FAT3: variants seen among roughly 807,000 people sequenced by gnomAD.
The protein encoded by FAT3 is FAT atypical cadherin 3.
In FAT3, 95 loss-of-function variants were observed where a neutral mutation model predicts 310.2. The observed-to-expected ratio is 0.31, with a 90% confidence interval of 0.26 to 0.36. The LOEUF is 0.36. FAT3 is among the 10% of genes least tolerant of loss of function. The probability of loss-of-function intolerance (pLI) is 1.00; values close to 1 mark genes in which losing one functional copy is unlikely to be tolerated. For missense variants in FAT3, 5,408 were observed against 5,715.6 expected, an observed-to-expected ratio of 0.95 and a Z score of 1.74; for synonymous variants, 2,314 against 2,192.9, an observed-to-expected ratio of 1.06 and a Z score of -1.54.
intron 2 of FAT3, among the ~76,000 whole-genome samples, chr11:92,379,484 T>C (rs931717330): frequency 5.9e-5 from 9 of 152,126 alleles, no homozygotes; most frequent in Non-Finnish European, 1.2e-4. Flanking sequence ...TACCAGGCAG[T>C]TCTAAGGTAA....
At chr11:92,433,640 G>T (rs759106144) in intron 2 of FAT3, among the ~76,000 whole-genome samples, 8 of 152,104 alleles carry the variant, frequency 5.3e-5, no homozygotes, top group Non-Finnish European at 8.8e-5. Flanking sequence ...TTATGCATTG[G>T]TCTCACCGGG....
chr11:92,800,757 A>G lies in FAT3; in HGVS notation c.7744A>G (p.Thr2582Ala). Residue 2582 changes from threonine (T) to alanine (A), a missense_variant, in exon 10 of 28, where the codon ACT (threonine) becomes GCT (alanine). Thr to Ala is a moderately conservative substitution (Grantham distance 58). Around this residue, in one of 5 missense-constraint regions of FAT3, gnomAD observed 4,588 missense variants for 4,809.8 expected, o/e 0.95. Transcript: ENST00000525166. ...GGCCCTTGATGGTGGAGGGAGAACA[A>G]CTTTCTGCACTGTGAGAGTGATTGT... is the stretch of plus-strand genomic sequence containing the variant. ...VRALDGGGRT[T>A]FCTVRVIVVD... 1 of 1,613,950 alleles carries G rather than the reference A, an allele frequency of 6.2e-7. No homozygotes were observed. Among genetic ancestry groups the G allele is most frequent in the Non-Finnish European group, 8.5e-7 (1 of 1,179,868 alleles).
Position 92,816,181 on chromosome 11 carries a change from A to G in FAT3, c.9481+6105A>G, listed in dbSNP as rs114153178. ...TGAGACAGAGAGACAGATAGATGGA[A>G]AGATGAGTGTTAGCCAGGACAGGCT... is the stretch of plus-strand genomic sequence containing the variant. On this transcript the variant is annotated intron_variant, in intron 13 of 27. Coordinates refer to ENST00000525166, the MANE Select transcript of FAT3 (RefSeq NM_001367949.2). 6.9e-3 allele frequency among the ~76,000 whole-genome samples: 1,047 copies of G among 152,316 alleles called. 20 individuals carry two copies. Among genetic ancestry groups the G allele is most frequent in the African/African-American group, 0.024 (1,005 of 41,568 alleles).
At chr11:92,452,036 T>C (rs187949025) in intron 2 of FAT3, among the ~76,000 whole-genome samples, 1 of 152,320 alleles carries the variant, frequency 6.6e-6, no homozygotes, top group Non-Finnish European at 1.5e-5. Flanking sequence ...TATACATAGA[T>C]AGGCAGATAG....
chr11:92,527,666 C>T (rs1013701064), intron 3 of FAT3, among the ~76,000 whole-genome samples: 2 of 152,162 alleles, frequency 1.3e-5, no homozygotes, highest in Non-Finnish European at 2.9e-5. Flanking sequence ...ATCATGCTGC[C>T]TAGGGGGCAA....
intron 2 of FAT3, among the ~76,000 whole-genome samples, chr11:92,435,514 CCTTCCTTTCTCTTT>C (rs1344680966): frequency 7.8e-5 from 11 of 141,026 alleles, no homozygotes; most frequent in African/African-American, 3.2e-4. Context: ...TTCCTTCCTT[CCTTCCTTTCTCTTT>C]CTTTCTTTCC....
chr11:92,846,580 A>G (rs1171584487), intron 19 of FAT3, among the ~76,000 whole-genome samples: 4 of 152,282 alleles, frequency 2.6e-5, no homozygotes, highest in East Asian at 1.9e-4. Flanking sequence ...AAGGATTTAG[A>G]GGAGTGGTTT....
intron 1 of FAT3, among the ~76,000 whole-genome samples, chr11:92,260,236 GT>G (rs1403095210): frequency 9.9e-5 from 15 of 151,972 alleles, no homozygotes; most frequent in African/African-American, 3.6e-4. Flanking sequence ...TTAAAGTGGT[GT>G]GTGTGTGTGA....
rs368324627 is a variant in FAT3 at position 92,524,663 on chromosome 11, C to T, written c.3322C>T (p.Arg1108Trp). The T allele has an allele frequency of 5.0e-6, 8 of 1,613,418 alleles. No individual in the cohort carries two copies. In the East Asian group the frequency reaches 6.7e-5, roughly 13 times the overall value. ...GVITAADILD[R>W]ETMGSYWLTV... ...CATCACTGCCGCAGACATTCTTGAT[C>T]GGGAGACAATGGGGTCATACTGGCT... is the stretch of plus-strand genomic sequence containing the variant. Residue 1108 changes from arginine to tryptophan, a missense_variant, in exon 3 of 28, where the codon CGG becomes TGG. Around this residue, in one of 5 missense-constraint regions of FAT3, gnomAD observed 4,588 missense variants for 4,809.8 expected, o/e 0.95. Transcript: ENST00000525166.
intron 1 of FAT3, among the ~76,000 whole-genome samples, chr11:92,234,859 G>A (rs1187075117): frequency 6.7e-6 from 1 of 148,532 alleles, no homozygotes; most frequent in Non-Finnish European, 1.5e-5. Flanking sequence ...CCGAGATTGT[G>A]CCATTGAACT....
intron 1 of FAT3, among the ~76,000 whole-genome samples, chr11:92,254,489 C>G (rs1865239509): frequency 1.3e-5 from 2 of 152,140 alleles, no homozygotes; most frequent in African/African-American, 4.8e-5. Context: ...ACCCTCTCCA[C>G]TGAACATTTG....
At chr11:92,369,118 C>T (rs1401011316) in intron 2 of FAT3, among the ~76,000 whole-genome samples, 1 of 151,940 alleles carries the variant, frequency 6.6e-6, no homozygotes, top group Non-Finnish European at 1.5e-5. Flanking sequence ...AAAATGTAAT[C>T]AAGGGGAAAG....
At chr11:92,633,387 G>A (rs920171763) in intron 3 of FAT3, among the ~76,000 whole-genome samples, 8 of 152,078 alleles carry the variant, frequency 5.3e-5, no homozygotes, top group African/African-American at 1.7e-4. Flanking sequence ...AGCCAAATGT[G>A]TTGTCAGAGA....
rs1202958983 is a variant in FAT3, at chr11:92,791,733, G to A, written c.4612-1034G>A. 3.3e-5 allele frequency among the ~76,000 whole-genome samples: 5 copies of A among 152,300 alleles called. No homozygotes were observed. The East Asian group carries it at 9.6e-4, about 29-fold the overall frequency. On this transcript the variant is annotated intron_variant, in intron 8 of 27. Coordinates refer to ENST00000525166, the MANE Select transcript of FAT3 (RefSeq NM_001367949.2). ...CTTCACATCTCTCTGCAGGTATGGAGTTTAAAATTGAAAAAGCCAAGTGCA... is the reference window on the plus strand; with the variant it reads ...CTTCACATCTCTCTGCAGGTATGGAATTTAAAATTGAAAAAGCCAAGTGCA...
intron 2 of FAT3, among the ~76,000 whole-genome samples, chr11:92,507,181 T>C (rs1328147196): frequency 6.6e-6 from 1 of 152,088 alleles, no homozygotes; most frequent in Non-Finnish European, 1.5e-5. Flanking sequence ...AGAAGATGAA[T>C]ACAAGGCGGG....
chr11:92,639,831 A>C (rs1039912319), intron 3 of FAT3, among the ~76,000 whole-genome samples: 6 of 152,172 alleles, frequency 3.9e-5, no homozygotes, highest in African/African-American at 1.4e-4. Context: ...TAGCCACTTT[A>C]CAAGTGTGTT....
At chr11:92,588,922 C>T (rs1000051997) in intron 3 of FAT3, among the ~76,000 whole-genome samples, 11 of 148,206 alleles carry the variant, frequency 7.4e-5, no homozygotes, top group South Asian at 2.1e-4. Flanking sequence ...ATTAAGCTGT[C>T]GTAACAAAGA....
At chr11:92,879,038 A>G (rs1246328012) in intron 22 of FAT3, among the ~76,000 whole-genome samples, 1 of 151,994 alleles carries the variant, frequency 6.6e-6, no homozygotes, top group African/African-American at 2.4e-5. Flanking sequence ...AGATCCTCCA[A>G]GATGTTAAAG....
intron 7 of FAT3, 40 bp downstream of exon 7, chr11:92,774,220 A>G: frequency 6.4e-7 from 1 of 1,564,742 alleles, no homozygotes. Context: ...ATGCTGAAAG[A>G]GCTGCCAAAG....
Sources: gnomAD v4.1 joint callset for allele counts (sites outside exome capture counted in the v4.1 genomes callset) on GRCh38, gnomAD v4.1.1 for gene constraint, gnomAD v4.1.1 regional missense constraint, MANE v1.5 for transcripts, NCBI Gene and HGNC (gene_info 2026-07-23, HGNC 2026-07-21) for gene names.